NEK10: variants seen among roughly 807,000 people sequenced by gnomAD.
NEK10 encodes the protein serine/threonine-protein kinase Nek10.
A neutral mutation model predicts 159.8 loss-of-function variants in NEK10; 122 were observed. The observed-to-expected ratio is 0.76, with a 90% CI of 0.66 to 0.89. NEK10 has a LOEUF of 0.89. Among genes scored for constraint, NEK10 ranks in the 40% least tolerant of loss-of-function variants. The pLI is 0.00. For missense variants in NEK10, 1,342 were observed against 1,323.1 expected (o/e 1.01, Z -0.22); for synonymous variants, 466 against 457.1 (o/e 1.02, Z -0.25).
chr3:27,365,312 T>C (rs2149905049), intron 1 of NEK10, among the ~76,000 whole-genome samples: 1 of 152,294 alleles, frequency 6.6e-6, no homozygotes, highest in East Asian at 1.9e-4. Context: ...TAGGTATCTT[T>C]TGTAGACATG....
At position 27,192,217 on chromosome 3, in the gene NEK10, G is replaced by A. The variant is rs766982731; in HGVS notation, c.2317C>T (p.Arg773Cys). 1.8e-5 allele frequency: 29 copies of A among 1,613,846 alleles called. No homozygotes were observed. In the African/African-American group the frequency reaches 2.5e-4, roughly 14 times the overall value. The change falls in exon 26 of 36, where the codon CGT becomes TGT. Residue 773 changes from arginine (R) to cysteine (C), a missense_variant. Physicochemically the swap from Arg to Cys is radical, Grantham distance 180. Coordinates refer to ENST00000691995, the MANE Select transcript of NEK10 (RefSeq NM_001394966.1). ...GAACTGACTTCTACAATATCTGGACGAGCTTCCGCATCAGGAGTGAGGCAC... is the reference window on the plus strand; with the variant it reads ...GAACTGACTTCTACAATATCTGGACAAGCTTCCGCATCAGGAGTGAGGCAC... ...SRCLTPDAEA[R>C]PDIVEVSSMI... is the part of the protein sequence containing the mutation.
At chr3:27,258,802 C>T (rs961912329) in intron 22 of NEK10, among the ~76,000 whole-genome samples, 1 of 152,162 alleles carries the variant, frequency 6.6e-6, no homozygotes, top group African/African-American at 2.4e-5. Context: ...ACACTGACTT[C>T]CACAATGGTT....
chr3:27,130,494 T>C (rs985714503), intron 32 of NEK10, among the ~76,000 whole-genome samples: 2 of 152,038 alleles, frequency 1.3e-5, no homozygotes, highest in African/African-American at 2.4e-5. Context: ...AAAACATAAG[T>C]AATAAACGAG....
chr3:27,133,117 G>A (rs1942802410), intron 31 of NEK10, among the ~76,000 whole-genome samples: 3 of 152,204 alleles, frequency 2.0e-5, no homozygotes, highest in Admixed American at 6.5e-5. Flanking sequence ...ACTGCAAGGA[G>A]CTTGGCATTA....
intron 1 of NEK10, among the ~76,000 whole-genome samples, chr3:27,365,620 T>TG (rs2049020733): frequency 8.0e-6 from 1 of 125,456 alleles, no homozygotes; most frequent in African/African-American, 3.7e-5. Flanking sequence ...GTTTTTTTTT[T>TG]TTTTTTTTTT....
In NEK10 at chr3:27,107,014, T is replaced by C. The variant is rs1428889604; in HGVS notation, c.*4258A>G. Among the ~76,000 whole-genome samples, 1 of 152,134 alleles carries C rather than the reference T, an allele frequency of 6.6e-6. No individual in the cohort carries two copies. Among genetic ancestry groups the C allele is most frequent in the South Asian group, 2.1e-4 (1 of 4,824 alleles). On this transcript the variant is annotated 3_prime_UTR_variant, in exon 36 of 36. Transcript: ENST00000691995. ...AGGCAGTTTCTCATGTTTTGAGGAATAACATTCAGTTTTGAATTAAGACTA... is the reference window on the plus strand; with the variant it reads ...AGGCAGTTTCTCATGTTTTGAGGAACAACATTCAGTTTTGAATTAAGACTA...
At chr3:27,366,860 G>A (rs976185418) in intron 1 of NEK10, among the ~76,000 whole-genome samples, 5 of 132,258 alleles carry the variant, frequency 3.8e-5, no homozygotes, top group Non-Finnish European at 7.7e-5. Flanking sequence ...TGCCCAGGCT[G>A]TAGAGCAGTG....
At chr3:27,347,800 A>G (rs910978280) in intron 3 of NEK10, among the ~76,000 whole-genome samples, 1 of 152,164 alleles carries the variant, frequency 6.6e-6, no homozygotes, top group Non-Finnish European at 1.5e-5. Flanking sequence ...AAGAGAACAA[A>G]TTCCCTGGCC....
chr3:27,209,534 GC>G (rs1950821408), intron 23 of NEK10, among the ~76,000 whole-genome samples: 1 of 152,226 alleles, frequency 6.6e-6, no homozygotes, highest in Non-Finnish European at 1.5e-5. Flanking sequence ...ATAAGCAGCA[GC>G]TTAAAGTACA....
At chr3:27,295,770 A>C in intron 14 of NEK10, 80 bp from the exon 15 acceptor site, 7 of 1,426,808 alleles carry the variant, frequency 4.9e-6, no homozygotes, top group Non-Finnish European at 6.4e-6. Flanking sequence ...AAACAATCTC[A>C]AACATTAATA....
intron 1 of NEK10, among the ~76,000 whole-genome samples, chr3:27,353,594 A>G (rs531163360): frequency 6.6e-6 from 1 of 152,280 alleles, no homozygotes; most frequent in Non-Finnish European, 1.5e-5. Context: ...CATATTTTTG[A>G]CAAATAGTTG....
At chr3:27,250,011 T>A (rs1955487466) in intron 23 of NEK10, among the ~76,000 whole-genome samples, 1 of 152,164 alleles carries the variant, frequency 6.6e-6, no homozygotes, top group South Asian at 2.1e-4. Context: ...AACTGTATAC[T>A]TTAATTTTGT....
chr3:27,224,862 G>A (rs759497645), intron 23 of NEK10, among the ~76,000 whole-genome samples: 3 of 152,132 alleles, frequency 2.0e-5, no homozygotes. Context: ...GACAATATCT[G>A]AAAAGCACAG....
intron 30 of NEK10, among the ~76,000 whole-genome samples, chr3:27,160,786 A>G (rs1467331134): frequency 2.0e-5 from 3 of 152,136 alleles, no homozygotes; most frequent in Non-Finnish European, 4.4e-5. Context: ...GACGCCTGTA[A>G]TCCCAGCTAC....
At chr3:27,229,047 C>T (rs552364035) in intron 23 of NEK10, among the ~76,000 whole-genome samples, 65 of 152,192 alleles carry the variant, frequency 4.3e-4, no homozygotes, top group African/African-American at 1.4e-3. Context: ...TGGCCTGAAG[C>T]GTGAATCATC....
At chr3:27,340,722 G>C (rs891717575) in intron 5 of NEK10, among the ~76,000 whole-genome samples, 1 of 152,114 alleles carries the variant, frequency 6.6e-6, no homozygotes. Flanking sequence ...TGAGGATGTG[G>C]ATAAGAGGGA....
intron 23 of NEK10, among the ~76,000 whole-genome samples, chr3:27,243,575 T>C (rs112162719): frequency 1.7e-3 from 256 of 152,188 alleles, no homozygotes; most frequent in Non-Finnish European, 2.9e-3. Context: ...CTTCTATACA[T>C]ATACTGTCAT....
At chr3:27,214,373 C>T (rs11715136) in intron 23 of NEK10, among the ~76,000 whole-genome samples, 35,595 of 151,956 alleles carry the variant, frequency 0.23, 4,522 homozygotes, top group Middle Eastern at 0.38. Context: ...TGGCTTTTTT[C>T]ATCAATAATT....
intron 30 of NEK10, among the ~76,000 whole-genome samples, chr3:27,154,798 C>T (rs552627588): frequency 5.8e-4 from 88 of 152,234 alleles, no homozygotes; most frequent in African/African-American, 1.9e-3. Flanking sequence ...GGACATACCT[C>T]AATGTAATAA....
Sources: gnomAD v4.1 joint callset for allele counts (sites outside exome capture counted in the v4.1 genomes callset) on GRCh38, gnomAD v4.1.1 for gene constraint, MANE v1.5 for transcripts, NCBI Gene and HGNC (gene_info 2026-07-23, HGNC 2026-07-21) for gene names.